Variants in ABCC4 observed in about 807,000 individuals in gnomAD.
The protein encoded by ABCC4 is ATP binding cassette subfamily C member 4 (PEL blood group).
Under a neutral mutation model 168.5 loss-of-function variants are expected in ABCC4, and 102 were observed. The ratio of observed to expected loss-of-function variants is 0.61; its 90% confidence interval spans 0.52 to 0.71. ABCC4 has a LOEUF of 0.71. Among genes scored for constraint, ABCC4 ranks in the 30% least tolerant of loss-of-function variants. ABCC4 has a pLI of 0.00. For missense variants in ABCC4, 1,402 were observed against 1,605.8 expected (o/e 0.87, Z 2.17); for synonymous variants, 617 against 590.7 (o/e 1.04, Z -0.65).
Position 95,062,804 on chromosome 13 carries a change from A to G in ABCC4, c.3266T>C (p.Phe1089Ser), listed in dbSNP as rs915443390. ...TTTACCTTCGGGTTCTGACAATCTAAAAAGGGCTGAGATGAGGGAACTTTT... is the reference window on the plus strand; with the variant it reads ...TTTACCTTCGGGTTCTGACAATCTAGAAAGGGCTGAGATGAGGGAACTTTT... Reference protein sequence around the residue: ...AGKSSLISALFRLSEPEGKIW... With the variant: ...AGKSSLISALSRLSEPEGKIW... The change falls in exon 26 of 31, where the codon TTT becomes TCT. Residue 1089 changes from phenylalanine to serine, a missense_variant. Phe to Ser is a radical substitution (Grantham distance 155, BLOSUM62 -2). Around this residue, in one of 3 missense-constraint regions of ABCC4, gnomAD observed 1,007 missense variants for 1,127.3 expected, o/e 0.89. Transcript: ENST00000645237. The G allele has an allele frequency of 2.5e-6, 4 of 1,614,036 alleles. No individual in the cohort carries two copies. Among genetic ancestry groups the G allele is most frequent in the East Asian group, 2.2e-5 (1 of 44,870 alleles).
chr13:95,288,071 T>A (rs1463159246), intron 1 of ABCC4, among the ~76,000 whole-genome samples: 2 of 152,106 alleles, frequency 1.3e-5, no homozygotes, highest in African/African-American at 4.8e-5. Flanking sequence ...AAATAAATAT[T>A]TTATAATGTA....
At chr13:95,102,775 C>G (rs918778572) in intron 20 of ABCC4, among the ~76,000 whole-genome samples, 1 of 151,476 alleles carries the variant, frequency 6.6e-6, no homozygotes, top group African/African-American at 2.4e-5. Flanking sequence ...GGCCCGCCAC[C>G]ACGCCCAGCT....
chr13:95,229,933 C>T (rs1207996179), intron 4 of ABCC4, among the ~76,000 whole-genome samples: 3 of 152,194 alleles, frequency 2.0e-5, no homozygotes, highest in African/African-American at 7.2e-5. Context: ...ATAGAAGTAA[C>T]CCCTTGAGAC....
At chr13:95,115,897 A>T in intron 20 of ABCC4, 25 bp downstream of exon 20, 1 of 1,593,696 alleles carries the variant, frequency 6.3e-7, no homozygotes, top group Non-Finnish European at 8.6e-7. Flanking sequence ...TCCATTTGAG[A>T]TCCTGACATT....
intron 19 of ABCC4, among the ~76,000 whole-genome samples, chr13:95,117,281 A>G (rs1355814152): frequency 3.3e-5 from 5 of 151,166 alleles, no homozygotes; most frequent in Admixed American, 2.0e-4. Flanking sequence ...AAGCCCAGGC[A>G]CAACGCCAGG....
intron 1 of ABCC4, among the ~76,000 whole-genome samples, chr13:95,282,073 T>TACTCCAGCCTGGACAACAGAGCCACTGC (rs1328963626): frequency 2.0e-5 from 3 of 150,884 alleles, no homozygotes; most frequent in East Asian, 3.9e-4. Context: ...CACACCACTG[T>TACTCCAGCCTGGACAACAGAGCCACTGC]ACTCCAGCCT....
At position 95,044,265 on chromosome 13, in the gene ABCC4, C is replaced by A; in HGVS notation, c.3629+1G>T. The A allele has an allele frequency of 6.2e-7, 1 of 1,609,802 alleles. No homozygotes were observed. Among genetic ancestry groups the A allele is most frequent in the Non-Finnish European group, 8.5e-7 (1 of 1,178,052 alleles). Reference sequence around the variant, plus strand: ...AGGTTACATGGACCTCAGCTTTATACCTTGGATCCACATTTGCCGTCGCTT... The same window carrying A: ...AGGTTACATGGACCTCAGCTTTATAACTTGGATCCACATTTGCCGTCGCTT... On this transcript the variant is annotated splice_donor_variant, in intron 28 of 30. Coordinates refer to ENST00000645237, the MANE Select transcript of ABCC4 (RefSeq NM_005845.5). LOFTEE classifies it high-confidence loss of function.
At chr13:95,072,193 G>T (rs1450809413) in intron 24 of ABCC4, among the ~76,000 whole-genome samples, 1 of 152,198 alleles carries the variant, frequency 6.6e-6, no homozygotes, top group Non-Finnish European at 1.5e-5. Flanking sequence ...GGGCGCGGTG[G>T]CTCATGCCTA....
chr13:95,255,674 G>A (rs1264714436), intron 1 of ABCC4, among the ~76,000 whole-genome samples: 2 of 151,988 alleles, frequency 1.3e-5, no homozygotes, highest in African/African-American at 4.8e-5. Context: ...ATCCCTTCCC[G>A]CTTCACTCTA....
intron 1 of ABCC4, among the ~76,000 whole-genome samples, chr13:95,260,226 T>C (rs2040497700): frequency 6.6e-6 from 1 of 152,196 alleles, no homozygotes; most frequent in South Asian, 2.1e-4. Flanking sequence ...AACCCAACCC[T>C]GGCTCATTAG....
At chr13:95,096,188 G>GAAAA in intron 20 of ABCC4, 4 of 497,472 alleles carry the variant, frequency 8.0e-6, no homozygotes, top group Admixed American at 3.3e-5. Context: ...CTCTATGAAA[G>GAAAA]AAAAAAAAAA....
At chr13:95,039,754 T>C (rs1435601901) in intron 29 of ABCC4, among the ~76,000 whole-genome samples, 1 of 152,196 alleles carries the variant, frequency 6.6e-6, no homozygotes, top group African/African-American at 2.4e-5. Flanking sequence ...GTGAACAAAC[T>C]GCAAAACAAT....
intron 1 of ABCC4, among the ~76,000 whole-genome samples, chr13:95,257,694 G>GA (rs1358744649): frequency 7.3e-5 from 11 of 151,654 alleles, no homozygotes; most frequent in Non-Finnish European, 1.3e-4. Context: ...GAAAAAAAAA[G>GA]AAAATCTGCA....
intron 23 of ABCC4, 48 bp downstream of exon 23, chr13:95,074,166 C>A: frequency 7.1e-7 from 1 of 1,407,804 alleles, no homozygotes. Flanking sequence ...GTAAACACAG[C>A]TATAAATTGT....
At position 95,032,495 on chromosome 13, in the gene ABCC4, T is replaced by TAAA. The variant is rs1325225614; in HGVS notation, c.3870+2109_3870+2110insTTT. On this transcript the variant is annotated intron_variant, in intron 30 of 30. Transcript: ENST00000645237. Reference sequence around the variant, plus strand: ...ACACAAAGGCATTTATAGAATCGTTTTGAGGATAAATGCAGGATTCAAAGA... The same window carrying TAAA: ...ACACAAAGGCATTTATAGAATCGTTTAAATGAGGATAAATGCAGGATTCAAAGA... 2.0e-5 allele frequency among the ~76,000 whole-genome samples: 3 copies of TAAA among 152,194 alleles called. No homozygotes were observed. In the East Asian group the frequency reaches 5.8e-4, roughly 29 times the overall value.
chr13:95,178,191 A>T, intron 11 of ABCC4, 100 bp from the exon 12 acceptor site: 1 of 1,009,006 alleles, frequency 9.9e-7, no homozygotes, highest in Non-Finnish European at 1.5e-6. Flanking sequence ...TTTGCACATT[A>T]GTTCTTCAGA....
chr13:95,273,816 G>GTTTGT (rs2040903008), intron 1 of ABCC4, among the ~76,000 whole-genome samples: 17 of 98,638 alleles, frequency 1.7e-4, no homozygotes, highest in South Asian at 3.1e-4. Flanking sequence ...TTTTTGGTTT[G>GTTTGT]TTTTTTTTTT....
intron 6 of ABCC4, among the ~76,000 whole-genome samples, chr13:95,208,377 A>G (rs918288207): frequency 1.3e-5 from 2 of 151,516 alleles, no homozygotes; most frequent in African/African-American, 4.8e-5. Context: ...GAGCATTTGA[A>G]CGGGGCCTCA....
rs777642718 is a variant in ABCC4, at chr13:95,061,917, C to G, written c.3366+787G>C. Among the ~76,000 whole-genome samples, 20 of 152,254 alleles carry G rather than the reference C, an allele frequency of 1.3e-4. No individual in the cohort carries two copies. In the South Asian group the frequency reaches 3.3e-3, roughly 25 times the overall value. On this transcript the variant is annotated intron_variant, in intron 26 of 30. Transcript: ENST00000645237. ...AATTTATGTTAAATATGAACCAAAG[C>G]AATGACAGGAGCTCTTATTGTACAA...
Sources: gnomAD v4.1 joint callset for allele counts (sites outside exome capture counted in the v4.1 genomes callset) on GRCh38, gnomAD v4.1.1 for gene constraint, gnomAD v4.1.1 regional missense constraint, MANE v1.5 for transcripts, NCBI Gene and HGNC (gene_info 2026-07-23, HGNC 2026-07-21) for gene names.